UGT1A10: variants seen among roughly 807,000 people sequenced by gnomAD.
UGT1A10 encodes UDP-glucuronosyltransferase 1A10.
A neutral mutation model predicts 45.8 loss-of-function variants in UGT1A10; 49 were observed. The ratio of observed to expected loss-of-function variants is 1.07; its 90% CI spans 0.85 to 1.36. The LOEUF is 1.36. Ranked by LOEUF, UGT1A10 falls within the 40% of genes most tolerant of loss-of-function variation. UGT1A10 has a pLI of 0.00. For missense variants in UGT1A10, 745 were observed against 668.6 expected, an observed-to-expected ratio of 1.11 and a Z score of -1.26; for synonymous variants, 284 against 249.7, an observed-to-expected ratio of 1.14 and a Z score of -1.29.
chr2:233,642,288 G>A (rs767602954), intron 1 of UGT1A10, among the ~76,000 whole-genome samples: 1 of 152,122 alleles, frequency 6.6e-6, no homozygotes, highest in Non-Finnish European at 1.5e-5. Flanking sequence ...GGTCCATTCT[G>A]CTATTAAAGG....
chr2:233,712,607 G>C (rs151006364), intron 1 of UGT1A10, among the ~76,000 whole-genome samples: 72 of 152,282 alleles, frequency 4.7e-4, no homozygotes, highest in African/African-American at 1.6e-3. Flanking sequence ...TGGGGACTAG[G>C]GCAATGGTGA....
chr2:233,695,194 C>T (rs1403782855), intron 1 of UGT1A10, among the ~76,000 whole-genome samples: 1 of 147,816 alleles, frequency 6.8e-6, no homozygotes, highest in Admixed American at 6.8e-5. Flanking sequence ...GGTGCGATCT[C>T]AGCCCACTGC....
At position 233,719,392 on chromosome 2, in the gene UGT1A10, C is replaced by T. The variant is rs776862495; in HGVS notation, c.856-47642C>T. The T allele has an allele frequency of 4.8e-5, 78 of 1,613,868 alleles. 1 individual carries two copies. Among genetic ancestry groups the T allele is most frequent in the Non-Finnish European group, 6.4e-5 (75 of 1,179,882 alleles). On this transcript the variant is annotated intron_variant, in intron 1 of 4. Coordinates refer to ENST00000344644, the MANE Select transcript of UGT1A10 (RefSeq NM_019075.4). Reference sequence around the variant, plus strand: ...AAGGGCACACAGTGTCCAAATCCTTCCTCCTATATTCCTAAGTTACTAACG... The same window carrying T: ...AAGGGCACACAGTGTCCAAATCCTTTCTCCTATATTCCTAAGTTACTAACG...
intron 1 of UGT1A10, among the ~76,000 whole-genome samples, chr2:233,695,477 T>C (rs1393026251): frequency 6.6e-6 from 1 of 151,978 alleles, no homozygotes; most frequent in African/African-American, 2.4e-5. Context: ...CTTTAGATGT[T>C]TTTCTCTTTT....
At position 233,766,963 on chromosome 2, in the gene UGT1A10, C is replaced by T. The variant is rs1348072770; in HGVS notation, c.856-71C>T. On this transcript the variant is annotated intron_variant, in intron 1 of 4. Transcript: ENST00000344644. ...AGTCTTAAGAGGAAGATATCTAATT[C>T]ATAACTTACTGTATGTAGTCATCAA... is the stretch of plus-strand genomic sequence containing the variant. 3.4e-5 allele frequency: 54 copies of T among 1,607,648 alleles called. No individual in the cohort carries two copies. In the South Asian group the frequency reaches 3.5e-4, roughly 10 times the overall value.
At position 233,769,466 on chromosome 2, in the gene UGT1A10, T is replaced by C. The variant is rs1023177408; in HGVS notation, c.1295+1027T>C. On this transcript the variant is annotated intron_variant, in intron 4 of 4. Coordinates refer to ENST00000344644, the MANE Select transcript of UGT1A10 (RefSeq NM_019075.4). The surrounding 1 kb of genome is among the most constrained non-coding windows in gnomAD (Gnocchi z 4.4). ...GTGCACACGTGTGCATTCATATGCG[T>C]GTGTGTGTGTGTGCGTGTGTTTATG... 86 of 1,281,398 alleles carry C rather than the reference T, an allele frequency of 6.7e-5. No homozygotes were observed. The South Asian group carries it at 1.2e-3, about 18-fold the overall frequency. 79.4% of individuals were successfully genotyped at this position (1,281,398 alleles called of 1,614,324 possible).
At chr2:233,638,306 A>G (rs1002110688) in intron 1 of UGT1A10, among the ~76,000 whole-genome samples, 4 of 152,168 alleles carry the variant, frequency 2.6e-5, no homozygotes, top group Admixed American at 6.5e-5. Flanking sequence ...GTACAGGGCA[A>G]TGTTTCCATT....
At chr2:233,642,873 T>TCTCTCTCTCTCTCA (rs2073489435) in intron 1 of UGT1A10, among the ~76,000 whole-genome samples, 2 of 151,554 alleles carry the variant, frequency 1.3e-5, no homozygotes, top group African/African-American at 4.8e-5. Context: ...ATACAGAGTC[T>TCTCTCTCTCTCTCA]CTCTCTCTCT....
chr2:233,645,654 TCTCCTTTGA>T (rs2073581502), intron 1 of UGT1A10, among the ~76,000 whole-genome samples: 1 of 152,130 alleles, frequency 6.6e-6, no homozygotes, highest in Non-Finnish European at 1.5e-5. Flanking sequence ...TCCAAAATGA[TCTCCTTTGA>T]CTCCATGTCT....
At chr2:233,714,989 G>A (rs1270909733) in intron 1 of UGT1A10, among the ~76,000 whole-genome samples, 3 of 152,078 alleles carry the variant, frequency 2.0e-5, no homozygotes, top group South Asian at 2.1e-4. Flanking sequence ...TGATTCTCCT[G>A]CCTCAGCCTC....
intron 1 of UGT1A10, among the ~76,000 whole-genome samples, chr2:233,660,108 G>A (rs1167304782): frequency 6.6e-6 from 1 of 152,110 alleles, no homozygotes; most frequent in Non-Finnish European, 1.5e-5. Context: ...GTGAAGTCAC[G>A]CACAACATCT....
At chr2:233,733,439 G>A (rs1332999216) in intron 1 of UGT1A10, among the ~76,000 whole-genome samples, 1 of 152,168 alleles carries the variant, frequency 6.6e-6, no homozygotes, top group East Asian at 1.9e-4. Context: ...GATATTGGCT[G>A]CGGGTTTGTC....
chr2:233,762,200 T>G (rs1698000508), intron 1 of UGT1A10, among the ~76,000 whole-genome samples: 1 of 152,188 alleles, frequency 6.6e-6, no homozygotes, highest in African/African-American at 2.4e-5. Flanking sequence ...TGGGTCTGCA[T>G]GTATTTGGCG....
chr2:233,755,337 A>G (rs1695871666), intron 1 of UGT1A10: 2 of 434,782 alleles, frequency 4.6e-6, no homozygotes, highest in Admixed American at 3.7e-5. Flanking sequence ...ACCCGCGCAC[A>G]GGTCAGAGGC....
At chr2:233,682,052 T>C (rs1386550524) in intron 1 of UGT1A10, 3 of 1,613,936 alleles carry the variant, frequency 1.9e-6, no homozygotes, top group Middle Eastern at 1.6e-4. Flanking sequence ...GAGCCACTGG[T>C]TCACCATGCA....
chr2:233,720,624 T>C lies in UGT1A10; in HGVS notation c.856-46410T>C, dbSNP rs562222860. Among the ~76,000 whole-genome samples, 6 of 152,258 alleles carry C rather than the reference T, an allele frequency of 3.9e-5. No individual in the cohort carries two copies. The South Asian group carries it at 1.2e-3, about 32-fold the overall frequency. On this transcript the variant is annotated intron_variant, in intron 1 of 4. Coordinates refer to ENST00000344644, the MANE Select transcript of UGT1A10 (RefSeq NM_019075.4). ...ATTAATACAGAATATTTGGGTTTCATTGAAATAGTACTCTGGGATGTGAAA... is the reference window on the plus strand; with the variant it reads ...ATTAATACAGAATATTTGGGTTTCACTGAAATAGTACTCTGGGATGTGAAA...
Position 233,687,551 on chromosome 2 carries a change from G to C in UGT1A10, c.855+50174G>C, listed in dbSNP as rs530582048. Among the ~76,000 whole-genome samples, 10 of 149,232 alleles carry C rather than the reference G, an allele frequency of 6.7e-5. No homozygotes were observed. The South Asian group carries it at 2.2e-3, about 32-fold the overall frequency. On this transcript the variant is annotated intron_variant, in intron 1 of 4. Transcript: ENST00000344644. ...CCAAGGTTATGCCTCAAGTAAGTGGGGGAGCCAGAATTCAAGACCATACAT... is the reference window on the plus strand; with the variant it reads ...CCAAGGTTATGCCTCAAGTAAGTGGCGGAGCCAGAATTCAAGACCATACAT...
chr2:233,753,648 C>T (rs1051556706), intron 1 of UGT1A10: 5 of 152,204 alleles, frequency 3.3e-5, no homozygotes, highest in Non-Finnish European at 5.9e-5. Context: ...CACAAAGGTA[C>T]TTTCTCAATT....
At chr2:233,720,001 A>G (rs904856) in intron 1 of UGT1A10, among the ~76,000 whole-genome samples, 12,162 of 152,212 alleles carry the variant, frequency 0.08, 620 homozygotes, top group East Asian at 0.2. Context: ...CACTACATTC[A>G]GAACTGATCC....
Sources: allele counts gnomAD v4.1 joint callset (sites outside exome capture counted in the v4.1 genomes callset), GRCh38; gene constraint gnomAD v4.1.1; non-coding constraint Gnocchi (gnomAD v3.1); transcripts MANE v1.5; gene names NCBI Gene and HGNC (gene_info 2026-07-23, HGNC 2026-07-21).